GABARAPL2: variants seen among roughly 807,000 people sequenced by gnomAD.
GABARAPL2 encodes the protein gamma-aminobutyric acid receptor-associated protein-like 2.
GABARAPL2 carries 11 observed loss-of-function variants against 16.9 expected under a neutral mutation model. The ratio of observed to expected loss-of-function variants is 0.65; its 90% CI spans 0.41 to 1.08. The LOEUF (loss-of-function observed/expected upper bound fraction) is 1.08. Among genes scored for constraint, GABARAPL2 ranks in the 50% least tolerant of loss-of-function variants. GABARAPL2 has a pLI of 0.00. For missense variants in GABARAPL2, 134 were observed against 142.5 expected (o/e 0.94, Z 0.30); for synonymous variants, 57 against 50.7 (o/e 1.12, Z -0.53).
intron 1 of GABARAPL2, 129 bp downstream of exon 1, chr16:75,566,649 C>A: frequency 9.0e-7 from 1 of 1,112,982 alleles, no homozygotes; most frequent in Non-Finnish European, 1.3e-6. Context: ...TCGCCCATGC[C>A]CTGGTGCCTC....
intron 3 of GABARAPL2, among the ~76,000 whole-genome samples, chr16:75,568,967 AT>A (rs2080899850): frequency 6.6e-6 from 1 of 152,148 alleles, no homozygotes; most frequent in Admixed American, 6.5e-5. Context: ...CCTGATCCAG[AT>A]TCCAGCCCCC....
At position 75,575,002 on chromosome 16, in the gene GABARAPL2, A is replaced by AG. The variant is rs1278365930; in HGVS notation, c.264-2276dup. Reference sequence around the variant, plus strand: ...AACCGAGATCCTGCTACTGTACTCCAGCCCAAGCGACAGAGCAAGACTCTG... The same window carrying AG: ...AACCGAGATCCTGCTACTGTACTCCAGGCCCAAGCGACAGAGCAAGACTCTG... On this transcript the variant is annotated intron_variant, in intron 3 of 3. Coordinates refer to ENST00000037243, the MANE Select transcript of GABARAPL2 (RefSeq NM_007285.7). 3.3e-5 allele frequency among the ~76,000 whole-genome samples: 5 copies of AG among 152,168 alleles called. No individual in the cohort carries two copies. In the East Asian group the frequency reaches 9.6e-4, roughly 29 times the overall value.
chr16:75,577,294 G>A lies in GABARAPL2; in HGVS notation c.279G>A (p.Gln93=). ...TVPQSSLTMG[Q]LYEKEKDEDG... Reference sequence around the variant, plus strand: ...CTCTTTCAAGCCTAACTATGGGACAGCTTTACGAGAAGGAAAAAGATGAAG... The same window carrying A: ...CTCTTTCAAGCCTAACTATGGGACAACTTTACGAGAAGGAAAAAGATGAAG... Residue 93 remains glutamine, a synonymous_variant, in exon 4 of 4, where the codon CAG becomes CAA. Coordinates refer to ENST00000037243, the MANE Select transcript of GABARAPL2 (RefSeq NM_007285.7). 1 of 1,608,648 alleles carries A rather than the reference G, an allele frequency of 6.2e-7. No individual in the cohort carries two copies.
intron 3 of GABARAPL2, 106 bp from the exon 4 acceptor site, chr16:75,577,173 G>C: frequency 1.4e-6 from 1 of 734,568 alleles, no homozygotes; most frequent in Non-Finnish European, 2.5e-6. Flanking sequence ...GCACACAGCA[G>C]GTACTGACAC....
At chr16:75,570,253 A>T (rs1343664406) in intron 3 of GABARAPL2, among the ~76,000 whole-genome samples, 2 of 152,110 alleles carry the variant, frequency 1.3e-5, no homozygotes, top group Admixed American at 1.3e-4. Context: ...GGTGCATGTC[A>T]CCACACCGGG....
At chr16:75,566,717 G>C in intron 1 of GABARAPL2, 135 bp from the exon 2 acceptor site, 2 of 986,100 alleles carry the variant, frequency 2.0e-6, no homozygotes, top group Non-Finnish European at 3.1e-6. Flanking sequence ...GAGCTAGTAG[G>C]GGACAGGACC....
chr16:75,570,840 T>TTGG (rs2151718138), intron 3 of GABARAPL2, among the ~76,000 whole-genome samples: 1 of 152,332 alleles, frequency 6.6e-6, no homozygotes, highest in Admixed American at 6.5e-5. Flanking sequence ...ATTCTCTGCC[T>TTGG]AGGTGCCAGC....
At chr16:75,575,804 T>G (rs1486890130) in intron 3 of GABARAPL2, 1 of 152,222 alleles carries the variant, frequency 6.6e-6, no homozygotes, top group Non-Finnish European at 1.5e-5. Flanking sequence ...CAGGCTGGTC[T>G]TGAACTCCCG....
In GABARAPL2 at chr16:75,566,908, G is replaced by A. The variant is rs777123029; in HGVS notation, c.90+1G>A. ...AGCGAAATATCCCGACAGGGTTCCG[G>A]TGAGTGGACTCTCCGCCCCCTCACC... On this transcript the variant is annotated splice_donor_variant, in intron 2 of 3. Transcript: ENST00000037243. LOFTEE classifies it high-confidence loss of function. 2 of 1,611,680 alleles carry A rather than the reference G, an allele frequency of 1.2e-6. No homozygotes were observed. The highest frequency in any genetic ancestry group is 1.3e-5 in the African/African-American group (1 of 74,896).
rs8192518 is a variant in GABARAPL2 at position 75,566,902 on chromosome 16, G to A, written c.85G>A (p.Val29Ile). The stretch of plus-strand genomic sequence containing the variant: ...GATTCGAGCGAAATATCCCGACAGG[G>A]TTCCGGTGAGTGGACTCTCCGCCCC... ...AKIRAKYPDR[V>I]PVIVEKVSGS... Residue 29 changes from valine (V) to isoleucine (I), a missense_variant, in exon 2 of 4, where the codon GTT becomes ATT. Transcript: ENST00000037243. 1.9e-6 allele frequency: 3 copies of A among 1,612,734 alleles called. No individual in the cohort carries two copies. Among genetic ancestry groups the A allele is most frequent in the Non-Finnish European group, 8.5e-7 (1 of 1,179,038 alleles).
intron 3 of GABARAPL2, among the ~76,000 whole-genome samples, chr16:75,570,606 G>A (rs900895614): frequency 6.6e-6 from 1 of 152,198 alleles, no homozygotes; most frequent in East Asian, 1.9e-4. Context: ...GTCTGAGGCT[G>A]AAGGGGAGTG....
rs2151721086 is a variant in GABARAPL2 at position 75,577,633 on chromosome 16, A to G, written c.*264A>G. On this transcript the variant is annotated 3_prime_UTR_variant, in exon 4 of 4. Transcript: ENST00000037243. Reference sequence around the variant, plus strand: ...GTCCTTCTGGAAATCATATTGAATGATATTTCTATATCGAAGTGAGGTAGG... The same window carrying G: ...GTCCTTCTGGAAATCATATTGAATGGTATTTCTATATCGAAGTGAGGTAGG... 2.9e-6 allele frequency: 1 copy of G among 344,816 alleles called. No homozygotes were observed. Among genetic ancestry groups the G allele is most frequent in the Non-Finnish European group, 5.3e-6 (1 of 187,222 alleles). The allele number at this position is 344,816 out of a possible 1,614,324, so 21.4% of individuals were successfully genotyped here.
At chr16:75,567,970 C>A in intron 2 of GABARAPL2, 67 bp from the exon 3 acceptor site, 2 of 1,270,224 alleles carry the variant, frequency 1.6e-6, no homozygotes, top group Non-Finnish European at 2.2e-6. Context: ...TTCATCAGCT[C>A]CTCAGCCATG....
intron 3 of GABARAPL2, 171 bp from the exon 4 acceptor site, chr16:75,577,108 C>T: frequency 1.8e-6 from 1 of 552,982 alleles, no homozygotes; most frequent in Non-Finnish European, 3.2e-6. Context: ...CTGCAGACTT[C>T]ATTTATTTTA....
chr16:75,573,276 T>A (rs2080927295), intron 3 of GABARAPL2, among the ~76,000 whole-genome samples: 1 of 152,270 alleles, frequency 6.6e-6, no homozygotes, highest in Admixed American at 6.5e-5. Flanking sequence ...TGAGTTAATT[T>A]TTTTTAAGTC....
Position 75,566,522 on chromosome 16 carries a change from T to TA in GABARAPL2, c.34+4dup. On this transcript the variant is annotated splice_region_variant and intron_variant, in intron 1 of 3. Transcript: ENST00000037243. ...TGTTCAAGGAGGACCACTCGCTGGGTAAGCACTTGGTCGTCGGCCCGGCTG... is the reference window on the plus strand; with the variant it reads ...TGTTCAAGGAGGACCACTCGCTGGGTAAAGCACTTGGTCGTCGGCCCGGCTG... 1.2e-6 allele frequency: 2 copies of TA among 1,608,532 alleles called. No individual in the cohort carries two copies. Among genetic ancestry groups the TA allele is most frequent in the Non-Finnish European group, 8.5e-7 (1 of 1,178,160 alleles).
At chr16:75,576,348 G>C (rs1474496866) in intron 3 of GABARAPL2, 1 of 152,216 alleles carries the variant, frequency 6.6e-6, no homozygotes, top group Non-Finnish European at 1.5e-5. Flanking sequence ...AAAGCAGCAA[G>C]TGGGGCAGTC....
At chr16:75,570,697 G>C (rs1567445262) in intron 3 of GABARAPL2, among the ~76,000 whole-genome samples, 1 of 152,194 alleles carries the variant, frequency 6.6e-6, no homozygotes, top group Non-Finnish European at 1.5e-5. Context: ...AGAGTAGTTA[G>C]TATTAAATAT....
At chr16:75,566,830 G>C (rs1363149418) in intron 1 of GABARAPL2, 22 bp from the exon 2 acceptor site, 1 of 1,610,442 alleles carries the variant, frequency 6.2e-7, no homozygotes, top group Non-Finnish European at 8.5e-7. Context: ...GCGGCCGTCA[G>C]CCCCGTTTGT....
Sources: allele counts gnomAD v4.1 joint callset (sites outside exome capture counted in the v4.1 genomes callset), GRCh38; gene constraint gnomAD v4.1.1; transcripts MANE v1.5; gene names NCBI Gene and HGNC (gene_info 2026-07-23, HGNC 2026-07-21).